NTNG1: variants seen among roughly 807,000 people sequenced by gnomAD.
NTNG1 encodes the protein netrin G1.
Under a neutral mutation model 54.0 loss-of-function variants are expected in NTNG1, and 16 were observed. The ratio of observed to expected loss-of-function variants is 0.30; its 90% CI spans 0.20 to 0.45. The LOEUF (loss-of-function observed/expected upper bound fraction) is 0.45. Ranked by LOEUF, NTNG1 falls within the 20% of genes least tolerant of loss-of-function variation. The probability of loss-of-function intolerance (pLI) is 1.00; values close to 1 mark genes in which losing one functional copy is unlikely to be tolerated. For synonymous variants in NTNG1, 255 were observed against 263.1 expected, an observed-to-expected ratio of 0.97 and a Z score of 0.30; for missense variants, 530 against 678.7, an observed-to-expected ratio of 0.78 and a Z score of 2.43.
chr1:107,208,441 A>AAAAG (rs533719890), intron 2 of NTNG1, among the ~76,000 whole-genome samples: 6,066 of 149,446 alleles, frequency 0.041, 143 homozygotes, highest in Non-Finnish European at 0.049. Context: ...AAAAAAAAAA[A>AAAAG]AAAGAAAGAA....
At chr1:107,225,855 A>C (rs1660640768) in intron 2 of NTNG1, among the ~76,000 whole-genome samples, 1 of 152,134 alleles carries the variant, frequency 6.6e-6, no homozygotes, top group Non-Finnish European at 1.5e-5. Context: ...CGGGCAATTA[A>C]CATATGAATT....
chr1:107,193,480 C>G (rs1275249922), intron 2 of NTNG1, among the ~76,000 whole-genome samples: 1 of 152,002 alleles, frequency 6.6e-6, no homozygotes. Context: ...CCAGAAACCC[C>G]CTTTCTTAAT....
intron 7 of NTNG1, among the ~76,000 whole-genome samples, chr1:107,476,767 A>G (rs1176286274): frequency 6.6e-6 from 1 of 152,066 alleles, no homozygotes. Flanking sequence ...CCCTCCTTCT[A>G]AGTCTTTGAC....
chr1:107,349,023 A>C (rs959995468), intron 3 of NTNG1, among the ~76,000 whole-genome samples: 3 of 152,130 alleles, frequency 2.0e-5, no homozygotes, highest in Non-Finnish European at 4.4e-5. Context: ...CTCCATAGTG[A>C]GCCCTTGCCT....
At chr1:107,306,833 G>T (rs763120007) in intron 2 of NTNG1, among the ~76,000 whole-genome samples, 1 of 152,082 alleles carries the variant, frequency 6.6e-6, no homozygotes, top group Non-Finnish European at 1.5e-5. Flanking sequence ...AAGTGACTTG[G>T]TTGTTTTCTA....
chr1:107,204,697 T>A (rs756396537), intron 2 of NTNG1, among the ~76,000 whole-genome samples: 7 of 152,174 alleles, frequency 4.6e-5, no homozygotes, highest in Non-Finnish European at 7.4e-5. Flanking sequence ...ATGGTAATTG[T>A]TTTAAGCCAT....
chr1:107,430,542 G>A, intron 5 of NTNG1: 1 of 695,052 alleles, frequency 1.4e-6, no homozygotes, highest in African/African-American at 1.7e-5. Context: ...GTCTTGTTCC[G>A]AATGTCCGAC....
At chr1:107,241,033 A>C (rs935737995) in intron 2 of NTNG1, among the ~76,000 whole-genome samples, 2 of 152,080 alleles carry the variant, frequency 1.3e-5, no homozygotes, top group Admixed American at 6.6e-5. Flanking sequence ...GTAACTATTG[A>C]GATTTCTTCA....
chr1:107,201,456 TTTGTCTTATGAATTCCTGTG>T (rs1448833886), intron 2 of NTNG1, among the ~76,000 whole-genome samples: 2 of 151,824 alleles, frequency 1.3e-5, no homozygotes, highest in East Asian at 3.9e-4. Context: ...TCATTTCCCT[TTTGTCTTATGAATTCCTGTG>T]TTTGGGGAGT....
rs1678689360 is a variant in NTNG1 at position 107,481,167 on chromosome 1, A to G, written c.*327A>G. The G allele has an allele frequency of 2.8e-6, 1 of 362,840 alleles. No individual in the cohort carries two copies. The highest frequency in any genetic ancestry group is 5.0e-6 in the Non-Finnish European group (1 of 198,058). The allele number at this position is 362,840 out of a possible 1,614,324, so 22.5% of individuals were successfully genotyped here. The stretch of plus-strand genomic sequence containing the variant: ...AGACAAAAAACAAACAAATCAACCG[A>G]CCTAAAAACATTGGCTACTCTAGCG... On this transcript the variant is annotated 3_prime_UTR_variant, in exon 8 of 8. Transcript: ENST00000370068.
intron 3 of NTNG1, among the ~76,000 whole-genome samples, chr1:107,336,973 T>C (rs1488826392): frequency 6.6e-6 from 1 of 151,826 alleles, no homozygotes; most frequent in East Asian, 1.9e-4. Context: ...TAAAATAACA[T>C]GGTTGGAAAG....
chr1:107,449,720 T>TAAA (rs35613778), intron 7 of NTNG1, among the ~76,000 whole-genome samples: 37 of 145,718 alleles, frequency 2.5e-4, no homozygotes, highest in Admixed American at 7.5e-4. Context: ...TCTGCTGGAT[T>TAAA]AAAAAAAAAA....
intron 3 of NTNG1, among the ~76,000 whole-genome samples, chr1:107,337,336 T>C (rs1001114304): frequency 6.6e-6 from 1 of 152,060 alleles, no homozygotes; most frequent in Non-Finnish European, 1.5e-5. Context: ...AAAGACATTA[T>C]GCTAAGTGAA....
In NTNG1 at chr1:107,402,425, T is replaced by C. The variant is rs376003696; in HGVS notation, c.1061-5257T>C. On this transcript the variant is annotated intron_variant, in intron 4 of 7. Coordinates refer to ENST00000370068, the MANE Select transcript of NTNG1 (RefSeq NM_001113226.3). ...ACCATATGTGTCAGGATGCTCCTTT[T>C]GTGAGGCTTCCACCTTCTGATTAGC... Among the ~76,000 whole-genome samples the C allele has an allele frequency of 2.0e-5, 3 of 152,280 alleles. No homozygotes were observed. The East Asian group carries it at 5.8e-4, about 29-fold the overall frequency.
At chr1:107,399,408 G>A (rs1194966286) in intron 4 of NTNG1, among the ~76,000 whole-genome samples, 2 of 152,104 alleles carry the variant, frequency 1.3e-5, no homozygotes, top group Non-Finnish European at 2.9e-5. Context: ...AAATTGGTCT[G>A]ACTTTGACAT....
chr1:107,200,260 C>T (rs1048145752), intron 2 of NTNG1, among the ~76,000 whole-genome samples: 1 of 151,944 alleles, frequency 6.6e-6, no homozygotes, highest in East Asian at 1.9e-4. Flanking sequence ...TAGGTAAGTA[C>T]AAGAGTGGCA....
At chr1:107,429,055 C>T (rs1675087307) in intron 5 of NTNG1, among the ~76,000 whole-genome samples, 1 of 152,104 alleles carries the variant, frequency 6.6e-6, no homozygotes, top group East Asian at 1.9e-4. Flanking sequence ...CCTGTCCTCA[C>T]ACTCACCCTT....
chr1:107,438,644 G>T (rs907471504), intron 7 of NTNG1, among the ~76,000 whole-genome samples: 2 of 152,144 alleles, frequency 1.3e-5, no homozygotes, highest in Admixed American at 1.3e-4. Flanking sequence ...CTCATATAAA[G>T]CTCCTGAGGA....
chr1:107,156,187 G>A (rs1654982802), intron 2 of NTNG1, among the ~76,000 whole-genome samples: 1 of 152,152 alleles, frequency 6.6e-6, no homozygotes, highest in African/African-American at 2.4e-5. Flanking sequence ...TAAATCTAAT[G>A]TTTTCCTCTG....
Sources: allele counts gnomAD v4.1 joint callset (sites outside exome capture counted in the v4.1 genomes callset), GRCh38; gene constraint gnomAD v4.1.1; transcripts MANE v1.5; gene names NCBI Gene and HGNC (gene_info 2026-07-23, HGNC 2026-07-21).